AGBL4: variants seen among roughly 807,000 people sequenced by gnomAD.
AGBL4 encodes AGBL carboxypeptidase 4.
Under a neutral mutation model 66.4 loss-of-function variants are expected in AGBL4, and 58 were observed. The observed-to-expected ratio is 0.87, with a 90% CI of 0.71 to 1.09. AGBL4 has a LOEUF of 1.09. Among genes scored for constraint, AGBL4 ranks in the 50% least tolerant of loss-of-function variants. The probability of loss-of-function intolerance (pLI) is 0.00; values close to 1 mark genes in which losing one functional copy is unlikely to be tolerated. For missense variants in AGBL4, 579 were observed against 631.0 expected, an observed-to-expected ratio of 0.92 and a Z score of 0.88; for synonymous variants, 234 against 222.9, an observed-to-expected ratio of 1.05 and a Z score of -0.44.
chr1:49,032,272 G>A (rs1053906901), intron 5 of AGBL4, among the ~76,000 whole-genome samples: 1 of 152,138 alleles, frequency 6.6e-6, no homozygotes, highest in African/African-American at 2.4e-5. Context: ...TGTTCAATGG[G>A]TTATTTTCAT....
chr1:49,970,074 C>T (rs1162772608), intron 1 of AGBL4, among the ~76,000 whole-genome samples: 1 of 152,130 alleles, frequency 6.6e-6, no homozygotes, highest in Non-Finnish European at 1.5e-5. Flanking sequence ...GGACCCTTAT[C>T]TTACACCATA....
chr1:49,928,291 G>A (rs189793274), intron 1 of AGBL4, among the ~76,000 whole-genome samples: 2 of 151,522 alleles, frequency 1.3e-5, no homozygotes, highest in East Asian at 1.9e-4. Flanking sequence ...TCACTCTGTC[G>A]CCAGGCTGGA....
At chr1:48,873,363 T>A (rs1186318314) in intron 5 of AGBL4, among the ~76,000 whole-genome samples, 2 of 152,208 alleles carry the variant, frequency 1.3e-5, no homozygotes, top group East Asian at 3.9e-4. Context: ...TAATTCCTGC[T>A]TGTTATTTGG....
intron 1 of AGBL4, among the ~76,000 whole-genome samples, chr1:49,885,464 C>G (rs1015573250): frequency 4.0e-5 from 6 of 151,824 alleles, no homozygotes; most frequent in African/African-American, 1.5e-4. Flanking sequence ...AATCTATCTA[C>G]AAGATATACT....
intron 3 of AGBL4, among the ~76,000 whole-genome samples, chr1:49,548,776 T>C (rs1358053482): frequency 6.6e-5 from 10 of 152,174 alleles, no homozygotes; most frequent in Admixed American, 6.5e-4. Flanking sequence ...GGTATTAGGG[T>C]GATGCTGGCT....
chr1:48,695,398 C>G (rs1401028951), intron 6 of AGBL4, among the ~76,000 whole-genome samples: 1 of 152,216 alleles, frequency 6.6e-6, no homozygotes, highest in Non-Finnish European at 1.5e-5. Context: ...TTATTCCCCT[C>G]AATTTGACTT....
intron 1 of AGBL4, among the ~76,000 whole-genome samples, chr1:49,916,536 A>C (rs1360469162): frequency 1.3e-5 from 2 of 152,218 alleles, no homozygotes; most frequent in Non-Finnish European, 2.9e-5. Context: ...TCTAGAGAAA[A>C]AAGAGTAAAA....
chr1:49,366,865 T>G (rs1237717469), intron 3 of AGBL4, among the ~76,000 whole-genome samples: 2 of 152,140 alleles, frequency 1.3e-5, no homozygotes, highest in African/African-American at 4.8e-5. Flanking sequence ...TGATGCAGAA[T>G]TTTTGCTGGA....
At chr1:49,903,714 TATA>T (rs1649997403) in intron 1 of AGBL4, among the ~76,000 whole-genome samples, 1 of 152,142 alleles carries the variant, frequency 6.6e-6, no homozygotes, top group Non-Finnish European at 1.5e-5. Flanking sequence ...TACTCATTCT[TATA>T]ATAATTATAG....
intron 6 of AGBL4, among the ~76,000 whole-genome samples, chr1:48,684,900 A>G (rs1371798786): frequency 6.6e-6 from 1 of 152,222 alleles, no homozygotes. Context: ...GCTGTGGTGG[A>G]AAGAAACAGG....
chr1:49,916,038 G>A (rs1034722679), intron 1 of AGBL4, among the ~76,000 whole-genome samples: 1 of 152,098 alleles, frequency 6.6e-6, no homozygotes, highest in South Asian at 2.1e-4. Context: ...TTGTTAGAAG[G>A]AAAACTAACA....
At chr1:49,065,280 C>G (rs1644471961) in intron 4 of AGBL4, among the ~76,000 whole-genome samples, 2 of 152,138 alleles carry the variant, frequency 1.3e-5, no homozygotes, top group African/African-American at 4.8e-5. Flanking sequence ...TGTGGATGAT[C>G]ACAGGAGACA....
intron 2 of AGBL4, among the ~76,000 whole-genome samples, chr1:49,798,144 C>T (rs1286227710): frequency 2.0e-5 from 3 of 152,060 alleles, no homozygotes; most frequent in Admixed American, 6.6e-5. Context: ...GGGGAAGAAT[C>T]GAATCTGATG....
At position 49,008,464 on chromosome 1, in the gene AGBL4, T is replaced by A. The variant is rs554386246; in HGVS notation, c.594+37120A>T. On this transcript the variant is annotated intron_variant, in intron 5 of 13. Transcript: ENST00000371839. ...CACCCCACTGTCAACATTAGACAGA[T>A]CAACGAGACAGAAAGTCAACAAGGA... 1.9e-3 allele frequency among the ~76,000 whole-genome samples: 288 copies of A among 148,456 alleles called. 2 individuals are homozygous for A. The highest frequency in any genetic ancestry group is 6.9e-3 in the African/African-American group (279 of 40,556).
intron 1 of AGBL4, chr1:49,995,979 A>G (rs888843844): frequency 6.6e-6 from 1 of 152,318 alleles, no homozygotes; most frequent in African/African-American, 2.4e-5. Flanking sequence ...ACTGCAGTCC[A>G]GCTCTCAGGA....
chr1:48,655,882 A>G (rs1646011722), intron 7 of AGBL4, among the ~76,000 whole-genome samples: 1 of 152,196 alleles, frequency 6.6e-6, no homozygotes, highest in Admixed American at 6.5e-5. Flanking sequence ...AATTAGGAGA[A>G]AGAATTAAAT....
chr1:49,579,114 A>ATG (rs1644493633), intron 3 of AGBL4, among the ~76,000 whole-genome samples: 1 of 152,188 alleles, frequency 6.6e-6, no homozygotes, highest in African/African-American at 2.4e-5. Flanking sequence ...CAGGTTCTTC[A>ATG]GTTTTGAGAT....
intron 5 of AGBL4, among the ~76,000 whole-genome samples, chr1:49,044,535 G>A (rs12027411): frequency 0.044 from 6,620 of 151,868 alleles, 180 homozygotes; most frequent in East Asian, 0.074. Context: ...TAGGCAAAAT[G>A]ATGCAACACT....
intron 4 of AGBL4, among the ~76,000 whole-genome samples, chr1:49,091,908 C>T (rs112876342): frequency 0.012 from 1,860 of 151,944 alleles, 37 homozygotes; most frequent in African/African-American, 0.043. Context: ...AGGCCATTAT[C>T]GAAGTATGAA....
Sources: allele counts gnomAD v4.1 joint callset (sites outside exome capture counted in the v4.1 genomes callset), GRCh38; gene constraint gnomAD v4.1.1; transcripts MANE v1.5; gene names NCBI Gene and HGNC (gene_info 2026-07-23, HGNC 2026-07-21).